Variants in PCDH11X observed in about 807,000 individuals in gnomAD.
PCDH11X encodes protocadherin-11 X-linked.
In PCDH11X, 18 loss-of-function variants were observed where a neutral mutation model predicts 53.3. The observed-to-expected ratio is 0.34, with a 90% CI of 0.23 to 0.50. The LOEUF is 0.50. Among genes scored for constraint, PCDH11X ranks in the 20% least tolerant of loss-of-function variants. PCDH11X has a pLI of 0.98. For missense variants in PCDH11X, 570 were observed against 1,032.4 expected, an observed-to-expected ratio of 0.55 and a Z score of 6.14; for synonymous variants, 279 against 393.3, an observed-to-expected ratio of 0.71 and a Z score of 3.44.
intron 9 of PCDH11X, among the ~76,000 whole-genome samples, chrX:92,398,577 GATATGTTTAAT>G: frequency 9.0e-6 from 1 of 111,390 alleles, no homozygotes; most frequent in East Asian, 2.8e-4. Flanking sequence ...AAGAGATGCA[GATATGTTTAAT>G]TCTCTTATAT....
intron 6 of PCDH11X, among the ~76,000 whole-genome samples, chrX:92,083,611 A>G (rs1245611188): frequency 1.8e-5 from 2 of 111,668 alleles, no homozygotes; most frequent in Non-Finnish European, 3.8e-5. Flanking sequence ...TTCTTTACAC[A>G]GCACTGTTTC....
chrX:92,370,123 C>A (rs2070578981), intron 8 of PCDH11X, among the ~76,000 whole-genome samples: 1 of 109,688 alleles, frequency 9.1e-6, no homozygotes, highest in Admixed American at 9.7e-5. Context: ...AAGATATTTT[C>A]TAATGTGATT....
At chrX:92,040,425 G>T (rs1295174931) in intron 6 of PCDH11X, among the ~76,000 whole-genome samples, 1 of 107,789 alleles carries the variant, frequency 9.3e-6, no homozygotes, top group Non-Finnish European at 1.9e-5. Context: ...TGATGGCTGA[G>T]CCCAGCAAGA....
intron 8 of PCDH11X, among the ~76,000 whole-genome samples, chrX:92,269,776 A>G (rs2148424669): frequency 8.9e-6 from 1 of 111,902 alleles, no homozygotes; most frequent in South Asian, 3.7e-4. Context: ...GATGTAATTC[A>G]CTACTAAATT....
chrX:92,529,387 C>T (rs1054446128), intron 10 of PCDH11X, among the ~76,000 whole-genome samples: 1 of 108,079 alleles, frequency 9.3e-6, no homozygotes, highest in Non-Finnish European at 1.9e-5. Context: ...TTATTTAGTG[C>T]CATTACCAAT....
At chrX:92,364,536 C>G (rs2070419710) in intron 8 of PCDH11X, among the ~76,000 whole-genome samples, 1 of 110,623 alleles carries the variant, frequency 9.0e-6, no homozygotes, top group Admixed American at 9.6e-5. Flanking sequence ...ATGTGAAGTC[C>G]TAGGCCATTA....
chrX:92,146,125 T>C (rs1381298018), intron 6 of PCDH11X, among the ~76,000 whole-genome samples: 1 of 111,187 alleles, frequency 9.0e-6, no homozygotes, highest in Non-Finnish European at 1.9e-5. Flanking sequence ...ATAAACATCA[T>C]ATATATATAT....
At chrX:92,567,711 C>T in intron 10 of PCDH11X, among the ~76,000 whole-genome samples, 1 of 109,910 alleles carries the variant, frequency 9.1e-6, no homozygotes, top group Non-Finnish European at 1.9e-5. Flanking sequence ...TGCTGGTTTT[C>T]ATGGGGAATG....
At chrX:92,142,941 T>C (rs1236045933) in intron 6 of PCDH11X, among the ~76,000 whole-genome samples, 2 of 105,822 alleles carry the variant, frequency 1.9e-5, no homozygotes, top group Non-Finnish European at 3.9e-5. Flanking sequence ...CACACACACA[T>C]ATCTACACAT....
At chrX:92,316,217 T>C (rs2148487393) in intron 8 of PCDH11X, among the ~76,000 whole-genome samples, 1 of 108,350 alleles carries the variant, frequency 9.2e-6, no homozygotes, top group South Asian at 4.2e-4. Context: ...AAATTATACA[T>C]TATAAAACAA....
chrX:92,242,049 A>G (rs1488292766), intron 7 of PCDH11X, among the ~76,000 whole-genome samples: 3 of 109,009 alleles, frequency 2.8e-5, no homozygotes, highest in Non-Finnish European at 5.7e-5. Context: ...GTGAGCTGAG[A>G]TCATGCCACT....
chrX:92,227,696 A>C (rs1167408699), intron 7 of PCDH11X, among the ~76,000 whole-genome samples: 3 of 111,245 alleles, frequency 2.7e-5, no homozygotes, highest in African/African-American at 9.8e-5. Flanking sequence ...GGTTTTAACG[A>C]GTAAAACCAT....
intron 1 of PCDH11X, among the ~76,000 whole-genome samples, chrX:91,786,076 T>C (rs1309117268): frequency 8.9e-6 from 1 of 112,055 alleles, no homozygotes; most frequent in East Asian, 2.8e-4. Context: ...GAGGAGTAGC[T>C]TGCCAGAAAT....
chrX:92,488,660 A>G (rs768407), intron 10 of PCDH11X, among the ~76,000 whole-genome samples: 2 of 108,205 alleles, frequency 1.8e-5, no homozygotes, highest in Non-Finnish European at 3.8e-5. Context: ...TGTTGTTTGT[A>G]TTCTAAATTC....
intron 6 of PCDH11X, among the ~76,000 whole-genome samples, chrX:91,934,447 C>A (rs1336687276): frequency 9.0e-6 from 1 of 110,904 alleles, no homozygotes; most frequent in African/African-American, 3.3e-5. Context: ...ATAGGTCACT[C>A]TTTGTTCCTT....
At chrX:91,875,235 C>T (rs1323571241) in intron 5 of PCDH11X, among the ~76,000 whole-genome samples, 2 of 106,677 alleles carry the variant, frequency 1.9e-5, no homozygotes, top group African/African-American at 3.4e-5. Flanking sequence ...AAGATCACTA[C>T]GTTTGTGTGT....
Position 91,989,732 on chromosome X carries a change from G to A in PCDH11X, c.3033+110459G>A, listed in dbSNP as rs777001945. On this transcript the variant is annotated intron_variant, in intron 6 of 10. Transcript: ENST00000682573. Reference sequence around the variant, plus strand: ...AAATTTTGATTTCAAATGCATATTAGCATAGTCAATGTTCTGAGAAGTCCT... The same window carrying A: ...AAATTTTGATTTCAAATGCATATTAACATAGTCAATGTTCTGAGAAGTCCT... Among the ~76,000 whole-genome samples the A allele has an allele frequency of 3.2e-3, 357 of 110,587 alleles. 1 individual carries two copies. The highest frequency in any genetic ancestry group is 4.6e-3 in the Middle Eastern group (1 of 216).
At chrX:92,408,492 G>A (rs2071571866) in intron 9 of PCDH11X, among the ~76,000 whole-genome samples, 1 of 110,474 alleles carries the variant, frequency 9.1e-6, no homozygotes, top group Non-Finnish European at 1.9e-5. Context: ...GTCAGTGTTT[G>A]CCAAAGTTAC....
chrX:92,038,519 T>A (rs2063163436), intron 6 of PCDH11X, among the ~76,000 whole-genome samples: 1 of 112,142 alleles, frequency 8.9e-6, no homozygotes, highest in Admixed American at 9.4e-5. Context: ...CTGACTAGAT[T>A]TCAGAAGAGG....
Sources: allele counts gnomAD v4.1 joint callset (sites outside exome capture counted in the v4.1 genomes callset), GRCh38; gene constraint gnomAD v4.1.1; transcripts MANE v1.5; gene names NCBI Gene and HGNC (gene_info 2026-07-23, HGNC 2026-07-21).